Variants in TNIK observed in about 807,000 individuals in gnomAD.
TNIK encodes TRAF2 and NCK-interacting protein kinase.
Under a neutral mutation model 191.3 loss-of-function variants are expected in TNIK, and 49 were observed. That is an observed-to-expected ratio of 0.26 (90% CI 0.20 to 0.32). The LOEUF is 0.32. Ranked by LOEUF, TNIK falls within the 10% of genes least tolerant of loss-of-function variation. TNIK has a pLI of 1.00. For synonymous variants in TNIK, 594 were observed against 600.9 expected (o/e 0.99, Z 0.17); for missense variants, 1,155 against 1,702.3 (o/e 0.68, Z 5.66).
chr3:171,288,678 T>G (rs568435260), intron 2 of TNIK, among the ~76,000 whole-genome samples: 1 of 151,976 alleles, frequency 6.6e-6, no homozygotes, highest in East Asian at 1.9e-4. Flanking sequence ...TGTGGTGGTG[T>G]GTGCCTGTAG....
intron 12 of TNIK, 106 bp from the exon 13 acceptor site, chr3:171,140,615 GAT>G: frequency 2.0e-6 from 2 of 1,020,756 alleles, no homozygotes. Context: ...CTTTTAATGA[GAT>G]ATGCCTAAAT....
intron 1 of TNIK, among the ~76,000 whole-genome samples, chr3:171,413,969 T>C (rs1203087619): frequency 1.3e-5 from 2 of 152,190 alleles, no homozygotes; most frequent in East Asian, 1.9e-4. Context: ...TCAGCTATAA[T>C]TATTATCACT....
At position 171,137,968 on chromosome 3, in the gene TNIK, CAAAAAAA is replaced by C. The variant is rs58897378; in HGVS notation, c.1608+216_1608+222del. Among the ~76,000 whole-genome samples the C allele has an allele frequency of 4.6e-3, 549 of 119,548 alleles. 6 individuals carry two copies. The highest frequency in any genetic ancestry group is 0.016 in the African/African-American group (525 of 32,270). The allele number at this position is 119,548 out of a possible 152,430, so 78.4% of individuals were successfully genotyped here. ...AGTCCATTGCAACCACAAAGATATACAAAAAAAAAAAAAAAACAAAAACAAAACCTCA... is the reference window on the plus strand; with the variant it reads ...AGTCCATTGCAACCACAAAGATATACAAAAAAAAACAAAAACAAAACCTCA... On this transcript the variant is annotated intron_variant, in intron 15 of 32. Transcript: ENST00000436636.
chr3:171,348,260 TTTTG>T lies in TNIK; in HGVS notation c.123+21356_123+21359del, dbSNP rs561418531. On this transcript the variant is annotated intron_variant, in intron 2 of 32. Transcript: ENST00000436636. ...TATTACAGCAGCAGGAAACCATAGA[TTTTG>T]TTTAAGTCAACCTTTCTATAGTAAT... Among the ~76,000 whole-genome samples, 333 of 152,338 alleles carry T rather than the reference TTTTG, an allele frequency of 2.2e-3. 1 individual carries two copies. Among genetic ancestry groups the T allele is most frequent in the African/African-American group, 7.4e-3 (308 of 41,588 alleles).
intron 2 of TNIK, among the ~76,000 whole-genome samples, chr3:171,259,416 C>A (rs1357099245): frequency 6.6e-6 from 1 of 152,146 alleles, no homozygotes; most frequent in Non-Finnish European, 1.5e-5. Context: ...AACACTCTGC[C>A]TGGTGGCCTA....
intron 2 of TNIK, among the ~76,000 whole-genome samples, chr3:171,283,426 A>G (rs1199213724): frequency 6.6e-6 from 1 of 152,238 alleles, no homozygotes; most frequent in East Asian, 1.9e-4. Context: ...GGGATCGCCA[A>G]AACCATTCAC....
chr3:171,065,785 A>C (rs1448211231), intron 32 of TNIK, among the ~76,000 whole-genome samples: 1 of 152,244 alleles, frequency 6.6e-6, no homozygotes, highest in Non-Finnish European at 1.5e-5. Context: ...TTTGGATTTA[A>C]AGGTGAATAT....
At chr3:171,181,042 A>C (rs1263493821) in intron 7 of TNIK, among the ~76,000 whole-genome samples, 1 of 152,152 alleles carries the variant, frequency 6.6e-6, no homozygotes, top group Non-Finnish European at 1.5e-5. Flanking sequence ...AGGTTTCACT[A>C]TGTGGCTCAG....
intron 1 of TNIK, among the ~76,000 whole-genome samples, chr3:171,419,978 A>G (rs1233739187): frequency 6.6e-6 from 1 of 152,112 alleles, no homozygotes; most frequent in Non-Finnish European, 1.5e-5. Context: ...CATGTTTGTG[A>G]CTCGAGAAGA....
rs1232040020 is a variant in TNIK at position 171,426,347 on chromosome 3, T to C, written c.57+33660A>G. On this transcript the variant is annotated intron_variant, in intron 1 of 32. Transcript: ENST00000436636. ...GCATGTTCTCACTCATAGGTGGGAA[T>C]TGAACAATGAGAACACTCGGACACA... Among the ~76,000 whole-genome samples, 12 of 139,090 alleles carry C rather than the reference T, an allele frequency of 8.6e-5. 1 individual carries two copies. The highest frequency in any genetic ancestry group is 3.0e-4 in the African/African-American group (11 of 37,000). 91.2% of individuals were successfully genotyped at this position (139,090 alleles called of 152,430 possible). A position where few individuals can be genotyped will look rare whatever the true frequency, so the allele number is the denominator to read the frequency against.
At chr3:171,376,237 G>T (rs183183996) in intron 1 of TNIK, among the ~76,000 whole-genome samples, 2 of 152,216 alleles carry the variant, frequency 1.3e-5, no homozygotes, top group Admixed American at 1.3e-4. Context: ...CATCATCTTC[G>T]AAAGTACAGC....
chr3:171,130,242 A>G (rs1729052766), intron 15 of TNIK, among the ~76,000 whole-genome samples: 1 of 152,228 alleles, frequency 6.6e-6, no homozygotes, highest in African/African-American at 2.4e-5. Flanking sequence ...ATACAAAGTA[A>G]GTCTGTTTTT....
At chr3:171,167,046 T>C (rs1734705270) in intron 10 of TNIK, 49 bp downstream of exon 10, 2 of 1,582,076 alleles carry the variant, frequency 1.3e-6, no homozygotes, top group Non-Finnish European at 8.6e-7. Flanking sequence ...GCGCCCATGA[T>C]TCACTCCATC....
At chr3:171,386,560 A>G (rs1718763353) in intron 1 of TNIK, among the ~76,000 whole-genome samples, 1 of 152,188 alleles carries the variant, frequency 6.6e-6, no homozygotes, top group African/African-American at 2.4e-5. Context: ...TCAGAAGTGT[A>G]TTGCTCACCT....
intron 8 of TNIK, among the ~76,000 whole-genome samples, chr3:171,176,885 T>C (rs1228956701): frequency 6.6e-6 from 1 of 152,212 alleles, no homozygotes; most frequent in Non-Finnish European, 1.5e-5. Flanking sequence ...AGCAGGGAAA[T>C]CTAAAATTTT....
intron 28 of TNIK, among the ~76,000 whole-genome samples, chr3:171,076,194 G>A (rs1719911498): frequency 6.6e-6 from 1 of 151,844 alleles, no homozygotes; most frequent in South Asian, 2.1e-4. Context: ...AAACCTTCAG[G>A]TTCACTAGCC....
intron 12 of TNIK, among the ~76,000 whole-genome samples, chr3:171,148,772 T>G (rs1002593561): frequency 1.3e-5 from 2 of 152,212 alleles, no homozygotes; most frequent in African/African-American, 4.8e-5. Context: ...AATTTCAGTT[T>G]TATTTGGCAC....
chr3:171,093,873 C>T lies in TNIK; in HGVS notation c.2687G>A (p.Ser896Asn), dbSNP rs367595721. 28 of 1,613,900 alleles carry T rather than the reference C, an allele frequency of 1.7e-5. No homozygotes were observed. The African/African-American group carries it at 3.6e-4, about 21-fold the overall frequency. Residue 896 changes from serine to asparagine, a missense_variant, in exon 23 of 33, where the codon AGT becomes AAT. Transcript: ENST00000436636. The part of the protein sequence containing the change: ...ETSHADSFSG[S>N]ISREGTLMIR... Reference sequence around the variant, plus strand: ...CATCAAGGTTCCTTCTCTTGAAATACTGCCGCTGAAACTGTCCGCATGAGA... The same window carrying T: ...CATCAAGGTTCCTTCTCTTGAAATATTGCCGCTGAAACTGTCCGCATGAGA...
chr3:171,184,559 T>C (rs1246141474), intron 7 of TNIK, among the ~76,000 whole-genome samples: 1 of 152,212 alleles, frequency 6.6e-6, no homozygotes, highest in Non-Finnish European at 1.5e-5. Flanking sequence ...ACTAACATGC[T>C]ATCTGGGTCA....
Sources: gnomAD v4.1 joint callset for allele counts (sites outside exome capture counted in the v4.1 genomes callset) on GRCh38, gnomAD v4.1.1 for gene constraint, MANE v1.5 for transcripts, NCBI Gene and HGNC (gene_info 2026-07-23, HGNC 2026-07-21) for gene names.